ANXA2: variants seen among roughly 807,000 people sequenced by gnomAD.
The protein encoded by ANXA2 is annexin II.
ANXA2 carries 28 observed loss-of-function variants against 47.3 expected under a neutral mutation model. That is an observed-to-expected ratio of 0.59 (90% CI 0.44 to 0.81). The LOEUF (loss-of-function observed/expected upper bound fraction) is 0.81. ANXA2 is among the 40% of genes least tolerant of loss of function. The pLI is 0.00. For synonymous variants in ANXA2, 172 were observed against 155.5 expected, an observed-to-expected ratio of 1.11 and a Z score of -0.79; for missense variants, 384 against 414.3, an observed-to-expected ratio of 0.93 and a Z score of 0.64.
At chr15:60,369,394 T>C (rs1477804981) in intron 3 of ANXA2, among the ~76,000 whole-genome samples, 5 of 152,220 alleles carry the variant, frequency 3.3e-5, no homozygotes, top group Admixed American at 2.0e-4. Flanking sequence ...GTACTTAATT[T>C]TATTACCCAC....
At chr15:60,388,240 C>G (rs2062959651) in intron 1 of ANXA2, among the ~76,000 whole-genome samples, 1 of 151,830 alleles carries the variant, frequency 6.6e-6, no homozygotes. Flanking sequence ...CAGAACCGTC[C>G]AATACAGTAG....
chr15:60,358,015 C>T (rs546338189), intron 5 of ANXA2, among the ~76,000 whole-genome samples: 1 of 152,310 alleles, frequency 6.6e-6, no homozygotes, highest in African/African-American at 2.4e-5. Flanking sequence ...TTGTCACTTG[C>T]AGCCAGCATT....
intron 3 of ANXA2, among the ~76,000 whole-genome samples, chr15:60,372,289 A>T (rs1204617836): frequency 3.9e-5 from 6 of 152,118 alleles, no homozygotes; most frequent in African/African-American, 7.2e-5. Context: ...CGGTTGTACT[A>T]ATGAGGAAAC....
At chr15:60,385,265 T>G (rs1026658507) in intron 2 of ANXA2, among the ~76,000 whole-genome samples, 1 of 152,152 alleles carries the variant, frequency 6.6e-6, no homozygotes, top group Non-Finnish European at 1.5e-5. Flanking sequence ...GGTGTGAAAT[T>G]TTTTAAAGTA....
chr15:60,378,089 G>A (rs1436472810), intron 3 of ANXA2, among the ~76,000 whole-genome samples: 1 of 151,898 alleles, frequency 6.6e-6, no homozygotes, highest in African/African-American at 2.4e-5. Context: ...GCAACAGAGT[G>A]AGACTCCGCC....
At chr15:60,388,624 A>G (rs1250203145) in intron 1 of ANXA2, among the ~76,000 whole-genome samples, 2 of 151,316 alleles carry the variant, frequency 1.3e-5, no homozygotes, top group Admixed American at 1.3e-4. Flanking sequence ...CAGTAGAGAC[A>G]AGGTCCCACT....
At chr15:60,389,152 G>A (rs1000136534) in intron 1 of ANXA2, among the ~76,000 whole-genome samples, 1 of 152,126 alleles carries the variant, frequency 6.6e-6, no homozygotes, top group Non-Finnish European at 1.5e-5. Flanking sequence ...TGCAGCAGGG[G>A]ATAAACTGTT....
chr15:60,372,263 G>T (rs1334554145), intron 3 of ANXA2, among the ~76,000 whole-genome samples: 3 of 151,990 alleles, frequency 2.0e-5, no homozygotes, highest in African/African-American at 7.3e-5. Context: ...ATCTGAGGTG[G>T]GTGCCATTGT....
At chr15:60,393,020 A>G in intron 1 of ANXA2, 7 of 1,285,584 alleles carry the variant, frequency 5.4e-6, no homozygotes, top group African/African-American at 1.5e-5. Flanking sequence ...CACCTACTGC[A>G]TCTTTATTTA....
intron 1 of ANXA2, among the ~76,000 whole-genome samples, chr15:60,395,037 G>C (rs909669421): frequency 2.0e-5 from 3 of 152,180 alleles, no homozygotes; most frequent in African/African-American, 7.2e-5. Flanking sequence ...TCTCACAATT[G>C]AATCTGGAAG....
chr15:60,355,876 C>T, intron 7 of ANXA2, 43 bp downstream of exon 7: 2 of 1,508,662 alleles, frequency 1.3e-6, no homozygotes, highest in East Asian at 2.3e-5. Flanking sequence ...TGTGACTTGC[C>T]TTGGGAGGAA....
Position 60,357,238 on chromosome 15 carries a change from T to C in ANXA2, c.358-2A>G, listed in dbSNP as rs758715993. On this transcript the variant is annotated splice_acceptor_variant, in intron 5 of 12. Coordinates refer to ENST00000451270, the MANE Select transcript of ANXA2 (RefSeq NM_004039.3). LOFTEE classifies it high-confidence loss of function. Reference sequence around the variant, plus strand: ...AGAGTCCTCGTCGGTTCCCAGCCCCTGTGAACCAGGAAGCACGAACATCAG... The same window carrying C: ...AGAGTCCTCGTCGGTTCCCAGCCCCCGTGAACCAGGAAGCACGAACATCAG... The C allele has an allele frequency of 2.0e-5, 33 of 1,613,848 alleles. No individual in the cohort carries two copies. Among genetic ancestry groups the C allele is most frequent in the Non-Finnish European group, 2.7e-5 (32 of 1,179,768 alleles).
intron 1 of ANXA2, among the ~76,000 whole-genome samples, chr15:60,387,978 A>G (rs2062956024): frequency 6.6e-6 from 1 of 152,174 alleles, no homozygotes; most frequent in Non-Finnish European, 1.5e-5. Flanking sequence ...TCACGAGGTC[A>G]GGAGATAGAG....
At chr15:60,368,862 GA>G (rs1263820968) in intron 3 of ANXA2, among the ~76,000 whole-genome samples, 3 of 152,126 alleles carry the variant, frequency 2.0e-5, no homozygotes, top group Admixed American at 2.0e-4. Context: ...ACTTCAGTTA[GA>G]AAACACAGTA....
chr15:60,385,973 T>A (rs2062927485), intron 2 of ANXA2, 55 bp downstream of exon 2: 1 of 1,182,550 alleles, frequency 8.5e-7, no homozygotes, highest in South Asian at 1.3e-5. Flanking sequence ...AATATGGTTA[T>A]CCAGAGAGAT....
intron 6 of ANXA2, among the ~76,000 whole-genome samples, chr15:60,356,529 A>G (rs2062433066): frequency 6.6e-6 from 1 of 152,216 alleles, no homozygotes; most frequent in African/African-American, 2.4e-5. Context: ...AAAAAAGATA[A>G]ATGTGTGAGG....
At chr15:60,364,156 G>A (rs1011981659) in intron 4 of ANXA2, among the ~76,000 whole-genome samples, 5 of 152,140 alleles carry the variant, frequency 3.3e-5, no homozygotes, top group African/African-American at 7.2e-5. Flanking sequence ...ACAGAAGCGC[G>A]AACCCTACTG....
chr15:60,364,452 C>T lies in ANXA2; in HGVS notation c.220G>A (p.Ala74Thr), dbSNP rs774410888. The change falls in exon 4 of 13, where the codon GCC becomes ACC. Residue 74 changes from alanine (A) to threonine (T), a missense_variant. Coordinates refer to ENST00000451270, the MANE Select transcript of ANXA2 (RefSeq NM_004039.3). ...ACCTTTTTGGTCCTTCTCTGGTAGG[C>T]GAAGGCAATATCCTGTCTCTGTGCA... ...SNAQRQDIAF[A>T]YQRRTKKELA... The T allele has an allele frequency of 4.7e-5, 76 of 1,612,394 alleles. No individual in the cohort carries two copies. In the Middle Eastern group the frequency reaches 1.2e-3, roughly 24 times the overall value.
chr15:60,356,434 G>C lies in ANXA2; in HGVS notation c.449-436C>G, dbSNP rs376801180. ...CTACTAAGAATTAAACAATGCTTTT[G>C]AATGAAAGTATATTTCAATATTCAA... On this transcript the variant is annotated intron_variant, in intron 6 of 12. Coordinates refer to ENST00000451270, the MANE Select transcript of ANXA2 (RefSeq NM_004039.3). Among the ~76,000 whole-genome samples the C allele has an allele frequency of 3.9e-5, 6 of 152,040 alleles. No individual in the cohort carries two copies. In the South Asian group the frequency reaches 8.3e-4, roughly 21 times the overall value.
Sources: gnomAD v4.1 joint callset for allele counts (sites outside exome capture counted in the v4.1 genomes callset) on GRCh38, gnomAD v4.1.1 for gene constraint, MANE v1.5 for transcripts, NCBI Gene and HGNC (gene_info 2026-07-23, HGNC 2026-07-21) for gene names.